DNAI1: variants seen among roughly 807,000 people sequenced by gnomAD.
DNAI1 encodes dynein, axonemal, intermediate polypeptide 1.
DNAI1 carries 67 observed loss-of-function variants against 92.0 expected under a neutral mutation model. The observed-to-expected ratio is 0.73, with a 90% confidence interval of 0.60 to 0.89. The LOEUF (loss-of-function observed/expected upper bound fraction) is 0.89. Ranked by LOEUF, DNAI1 falls within the 40% of genes least tolerant of loss-of-function variation. The pLI, the probability that DNAI1 is intolerant of heterozygous loss-of-function variation, is 0.00. For missense variants in DNAI1, 839 were observed against 866.6 expected, an observed-to-expected ratio of 0.97 and a Z score of 0.40; for synonymous variants, 323 against 319.6, an observed-to-expected ratio of 1.01 and a Z score of -0.11.
chr9:34,510,524 CTT>C (rs760030115), intron 13 of DNAI1, among the ~76,000 whole-genome samples: 4 of 152,178 alleles, frequency 2.6e-5, no homozygotes, highest in Non-Finnish European at 5.9e-5. Flanking sequence ...CATTCATTCT[CTT>C]AACCTCACTT....
intron 1 of DNAI1, among the ~76,000 whole-genome samples, chr9:34,460,716 G>A (rs969265540): frequency 6.6e-5 from 10 of 152,194 alleles, no homozygotes; most frequent in African/African-American, 2.4e-4. Flanking sequence ...AGGGTGGAGT[G>A]CAGTGGCGCA....
intron 2 of DNAI1, among the ~76,000 whole-genome samples, chr9:34,484,389 A>G (rs1824431886): frequency 6.6e-6 from 1 of 152,172 alleles, no homozygotes; most frequent in African/African-American, 2.4e-5. Flanking sequence ...ATATTTTCCA[A>G]TTGATTTTTA....
intron 12 of DNAI1, among the ~76,000 whole-genome samples, chr9:34,504,222 C>T (rs1186187638): frequency 6.6e-6 from 1 of 152,232 alleles, no homozygotes; most frequent in Non-Finnish European, 1.5e-5. Context: ...CTCTAAATCC[C>T]TTCCCACTCT....
intron 12 of DNAI1, among the ~76,000 whole-genome samples, chr9:34,505,288 G>A (rs757093413): frequency 3.3e-5 from 5 of 152,062 alleles, no homozygotes; most frequent in Non-Finnish European, 7.4e-5. Context: ...CACATTCCAT[G>A]GCTTGTGGTC....
chr9:34,505,045 G>T (rs965445590), intron 12 of DNAI1, among the ~76,000 whole-genome samples: 2 of 152,150 alleles, frequency 1.3e-5, no homozygotes, highest in East Asian at 3.9e-4. Context: ...CCTAAAGTAC[G>T]TTTGGGTCAA....
rs187037550 is a variant in DNAI1 at position 34,481,449 on chromosome 9, G to A, written c.49-1999G>A. On this transcript the variant is annotated intron_variant, in intron 1 of 19. Coordinates refer to ENST00000242317, the MANE Select transcript of DNAI1 (RefSeq NM_012144.4). ...AGGACCTGTCTGGCTGGGCGCAAAAGAATATGTTGCCTCTGAGACTGTTTC... is the reference window on the plus strand; with the variant it reads ...AGGACCTGTCTGGCTGGGCGCAAAAAAATATGTTGCCTCTGAGACTGTTTC... 3.9e-4 allele frequency among the ~76,000 whole-genome samples: 60 copies of A among 152,328 alleles called. 2 individuals are homozygous for A. The East Asian group carries it at 0.011, about 28-fold the overall frequency.
At chr9:34,503,257 C>T (rs986923843) in intron 12 of DNAI1, among the ~76,000 whole-genome samples, 11 of 152,324 alleles carry the variant, frequency 7.2e-5, no homozygotes, top group African/African-American at 2.4e-4. Flanking sequence ...CCCCTGCATC[C>T]ATCCTGAGCT....
intron 9 of DNAI1, among the ~76,000 whole-genome samples, chr9:34,495,913 CCTT>C (rs977743443): frequency 2.0e-5 from 3 of 152,138 alleles, no homozygotes; most frequent in African/African-American, 7.2e-5. Flanking sequence ...CAGTGAATGC[CCTT>C]CTTGGTCAGT....
chr9:34,501,568 C>T (rs1824832198), intron 12 of DNAI1, among the ~76,000 whole-genome samples: 1 of 152,198 alleles, frequency 6.6e-6, no homozygotes, highest in East Asian at 1.9e-4. Flanking sequence ...TGAGGGGAAA[C>T]CACTGAAGGA....
intron 1 of DNAI1, among the ~76,000 whole-genome samples, chr9:34,469,165 A>G (rs1212091012): frequency 6.6e-6 from 1 of 152,150 alleles, no homozygotes; most frequent in Non-Finnish European, 1.5e-5. Flanking sequence ...GGAAGTAGCC[A>G]AAGAAAAATG....
In DNAI1 at chr9:34,480,876, G is replaced by A. The variant is rs1007598751; in HGVS notation, c.49-2572G>A. Reference sequence around the variant, plus strand: ...CAGGAGAATTGCTTGAACCTGGGAGGTGGAGGTTGCAGTGAGCTGAGATGG... The same window carrying A: ...CAGGAGAATTGCTTGAACCTGGGAGATGGAGGTTGCAGTGAGCTGAGATGG... On this transcript the variant is annotated intron_variant, in intron 1 of 19. Transcript: ENST00000242317. Among the ~76,000 whole-genome samples, 21 of 152,192 alleles carry A rather than the reference G, an allele frequency of 1.4e-4. 1 individual carries two copies. The highest frequency in any genetic ancestry group is 5.1e-4 in the African/African-American group (21 of 41,448).
chr9:34,460,051 C>T (rs533278041), intron 1 of DNAI1, among the ~76,000 whole-genome samples: 1 of 152,296 alleles, frequency 6.6e-6, no homozygotes, highest in South Asian at 2.1e-4. Flanking sequence ...CCCTGCGAGC[C>T]CCTGGTCCAC....
intron 7 of DNAI1, 138 bp from the exon 8 acceptor site, chr9:34,491,356 GC>G (rs1824586559): frequency 1.2e-6 from 1 of 815,076 alleles, no homozygotes; most frequent in East Asian, 2.6e-5. Context: ...ATTCACCCAA[GC>G]CCCTCTTTAC....
At chr9:34,494,483 G>T (rs908261476) in intron 9 of DNAI1, among the ~76,000 whole-genome samples, 9 of 152,138 alleles carry the variant, frequency 5.9e-5, no homozygotes, top group African/African-American at 2.2e-4. Context: ...TTCTCTAGAG[G>T]TTAGAGGCTT....
chr9:34,516,486 A>G lies in DNAI1; in HGVS notation c.1819-799A>G, dbSNP rs187368924. On this transcript the variant is annotated intron_variant, in intron 18 of 19. Transcript: ENST00000242317. ...TGGTGAAGGTAGCATCCAACATGGA[A>G]TGAGCACTGGTATGTCAAGCACTGT... Among the ~76,000 whole-genome samples the G allele has an allele frequency of 2.6e-5, 4 of 152,294 alleles. No homozygotes were observed. The East Asian group carries it at 5.8e-4, about 22-fold the overall frequency.
In DNAI1 at chr9:34,497,882, T is replaced by C. The variant is rs555295175; in HGVS notation, c.901+683T>C. ...ACTCTGGGGACAAGGGACAGCAGGC[T>C]CCCTGACCCAAACAGGATCTTCATT... On this transcript the variant is annotated intron_variant, in intron 10 of 19. Transcript: ENST00000242317. 2.2e-4 allele frequency among the ~76,000 whole-genome samples: 33 copies of C among 152,316 alleles called. No homozygotes were observed. In the South Asian group the frequency reaches 6.6e-3, roughly 31 times the overall value.
intron 13 of DNAI1, among the ~76,000 whole-genome samples, chr9:34,511,492 G>A (rs553749163): frequency 1.3e-5 from 2 of 152,178 alleles, no homozygotes; most frequent in East Asian, 1.9e-4. Flanking sequence ...GGCAGGAGAC[G>A]GGGGCCTGCT....
rs867942159 is a variant in DNAI1 at position 34,474,567 on chromosome 9, C to T, written c.49-8881C>T. 2.2e-3 allele frequency among the ~76,000 whole-genome samples: 240 copies of T among 107,764 alleles called. 1 individual carries two copies. The highest frequency in any genetic ancestry group is 3.3e-3 in the Non-Finnish European group (170 of 51,162). The allele number at this position is 107,764 out of a possible 152,430, so 70.7% of individuals were successfully genotyped here. ...TGTGACTATTTCTTTTTTTTTTTTC[C>T]TTTTTTTTTTTTTTTTTTTGAGACA... is the stretch of plus-strand genomic sequence containing the variant. On this transcript the variant is annotated intron_variant, in intron 1 of 19. Coordinates refer to ENST00000242317, the MANE Select transcript of DNAI1 (RefSeq NM_012144.4).
At chr9:34,496,658 G>T (rs1363682681) in intron 9 of DNAI1, among the ~76,000 whole-genome samples, 2 of 152,176 alleles carry the variant, frequency 1.3e-5, no homozygotes, top group Non-Finnish European at 1.5e-5. Flanking sequence ...CTGTAACTGA[G>T]TAAGGGATAA....
Sources: allele counts gnomAD v4.1 joint callset (sites outside exome capture counted in the v4.1 genomes callset), GRCh38; gene constraint gnomAD v4.1.1; transcripts MANE v1.5; gene names NCBI Gene and HGNC (gene_info 2026-07-23, HGNC 2026-07-21).